The following ERBB4 variants were observed in gnomAD, a reference collection of about 807,000 sequenced individuals.
ERBB4 encodes the protein erb-b2 receptor tyrosine kinase 4.
In ERBB4, 42 loss-of-function variants were observed where a neutral mutation model predicts 158.0. The ratio of observed to expected loss-of-function variants is 0.27; its 90% CI spans 0.21 to 0.34. ERBB4 has a LOEUF of 0.34. Among genes scored for constraint, ERBB4 ranks in the 10% least tolerant of loss-of-function variants. ERBB4 has a pLI of 1.00. For missense variants in ERBB4, 1,333 were observed against 1,624.1 expected, an observed-to-expected ratio of 0.82 and a Z score of 3.08; for synonymous variants, 583 against 558.7, an observed-to-expected ratio of 1.04 and a Z score of -0.61.
At chr2:212,395,017 A>T (rs924129211) in intron 1 of ERBB4, among the ~76,000 whole-genome samples, 6 of 152,152 alleles carry the variant, frequency 3.9e-5, no homozygotes, top group African/African-American at 1.4e-4. Flanking sequence ...AGTAAAACAT[A>T]AAACTTTCAC....
chr2:211,568,937 G>T (rs2067633269), intron 19 of ERBB4, among the ~76,000 whole-genome samples: 1 of 152,168 alleles, frequency 6.6e-6, no homozygotes, highest in East Asian at 1.9e-4. Flanking sequence ...AACGAAATCT[G>T]CATCTGTTCC....
chr2:211,637,174 A>G (rs925636728), intron 16 of ERBB4, among the ~76,000 whole-genome samples: 9 of 151,918 alleles, frequency 5.9e-5, no homozygotes, highest in Non-Finnish European at 1.2e-4. Flanking sequence ...GCATAAGTCT[A>G]TCATGACCCA....
intron 3 of ERBB4, among the ~76,000 whole-genome samples, chr2:211,802,020 G>A (rs1413728839): frequency 2.6e-5 from 4 of 152,164 alleles, no homozygotes; most frequent in African/African-American, 9.7e-5. Context: ...TGCACTTTGG[G>A]AGGCCGAGGC....
chr2:211,870,540 A>G (rs1450349676), intron 3 of ERBB4, among the ~76,000 whole-genome samples: 1 of 152,150 alleles, frequency 6.6e-6, no homozygotes, highest in Non-Finnish European at 1.5e-5. Context: ...TTACTATAAG[A>G]TCAAAATTCT....
intron 27 of ERBB4, among the ~76,000 whole-genome samples, chr2:211,385,067 G>C (rs1574505664): frequency 6.6e-6 from 1 of 152,062 alleles, no homozygotes; most frequent in Non-Finnish European, 1.5e-5. Flanking sequence ...GGCATGAAGA[G>C]GGCACAATTC....
intron 17 of ERBB4, among the ~76,000 whole-genome samples, chr2:211,629,529 A>G (rs1450529990): frequency 6.6e-6 from 1 of 152,200 alleles, no homozygotes; most frequent in Non-Finnish European, 1.5e-5. Flanking sequence ...CTTTCTTCAC[A>G]GAATTGGAAA....
At chr2:211,755,246 A>G (rs1443096305) in intron 4 of ERBB4, among the ~76,000 whole-genome samples, 1 of 152,216 alleles carries the variant, frequency 6.6e-6, no homozygotes, top group African/African-American at 2.4e-5. Context: ...ACATGTCTGT[A>G]ATCCCAGCAC....
chr2:212,437,043 T>C (rs1439964881), intron 1 of ERBB4, among the ~76,000 whole-genome samples: 2 of 151,968 alleles, frequency 1.3e-5, no homozygotes, highest in African/African-American at 4.8e-5. Flanking sequence ...CAAAGACTGG[T>C]TGTAAAGCAA....
At chr2:211,571,111 C>T (rs953542647) in intron 19 of ERBB4, among the ~76,000 whole-genome samples, 2 of 135,090 alleles carry the variant, frequency 1.5e-5, no homozygotes, top group South Asian at 2.4e-4. Context: ...GGCACAATCT[C>T]GGCTCATTGC....
chr2:212,029,048 G>A (rs1353588815), intron 2 of ERBB4, among the ~76,000 whole-genome samples: 6 of 151,976 alleles, frequency 3.9e-5, no homozygotes, highest in East Asian at 1.9e-4. Flanking sequence ...GGTAACACCC[G>A]GGCGTTGCCT....
chr2:212,196,720 C>T (rs1036951613), intron 1 of ERBB4, among the ~76,000 whole-genome samples: 1 of 152,140 alleles, frequency 6.6e-6, no homozygotes, highest in African/African-American at 2.4e-5. Context: ...ATTCCTTTGA[C>T]TATACCTTAA....
chr2:212,471,676 T>C (rs1287594980), intron 1 of ERBB4, among the ~76,000 whole-genome samples: 2 of 151,926 alleles, frequency 1.3e-5, no homozygotes, highest in Non-Finnish European at 2.9e-5. Context: ...AATCTATTCC[T>C]TTTTGCACTT....
intron 20 of ERBB4, among the ~76,000 whole-genome samples, chr2:211,443,856 C>G (rs115278398): frequency 0.018 from 2,671 of 152,114 alleles, 41 homozygotes; most frequent in Middle Eastern, 0.048. Flanking sequence ...ATTCTTAGAA[C>G]AGTTAAGAGT....
intron 1 of ERBB4, among the ~76,000 whole-genome samples, chr2:212,362,406 A>G (rs1397531997): frequency 4.0e-5 from 6 of 151,324 alleles, no homozygotes; most frequent in Admixed American, 1.3e-4. Flanking sequence ...CTCACACATT[A>G]TATTTTCTTA....
chr2:211,528,207 A>G (rs900903723), intron 20 of ERBB4, among the ~76,000 whole-genome samples: 1 of 152,052 alleles, frequency 6.6e-6, no homozygotes, highest in Non-Finnish European at 1.5e-5. Flanking sequence ...AAGAGTTGCT[A>G]TATTTATATC....
intron 2 of ERBB4, among the ~76,000 whole-genome samples, chr2:212,097,273 A>G (rs1401494978): frequency 6.6e-6 from 1 of 152,146 alleles, no homozygotes; most frequent in Non-Finnish European, 1.5e-5. Context: ...GTGTGCCATT[A>G]CAATTTAGGA....
chr2:211,701,530 G>A (rs1197959320), intron 12 of ERBB4, among the ~76,000 whole-genome samples: 1 of 152,046 alleles, frequency 6.6e-6, no homozygotes, highest in East Asian at 1.9e-4. Context: ...GCCAAGGTGG[G>A]CGGATCACGA....
intron 3 of ERBB4, among the ~76,000 whole-genome samples, chr2:211,840,641 G>T (rs1410634708): frequency 6.6e-6 from 1 of 152,064 alleles, no homozygotes; most frequent in East Asian, 1.9e-4. Flanking sequence ...GGCTAAGCTG[G>T]TTCTCCTAAT....
chr2:211,387,877 G>T, intron 26 of ERBB4, 68 bp downstream of exon 26: 1 of 1,202,670 alleles, frequency 8.3e-7, no homozygotes, highest in Non-Finnish European at 1.2e-6. Flanking sequence ...ATGCAGAGAC[G>T]AGAGAGGAAA....
Sources: allele counts gnomAD v4.1 joint callset (sites outside exome capture counted in the v4.1 genomes callset), GRCh38; gene constraint gnomAD v4.1.1; transcripts MANE v1.5; gene names NCBI Gene and HGNC (gene_info 2026-07-23, HGNC 2026-07-21).